The following YBEY variants were observed in gnomAD, a reference collection of about 807,000 sequenced individuals.
YBEY encodes endoribonuclease YbeY.
A neutral mutation model predicts 13.5 loss-of-function variants in YBEY; 15 were observed. That is an observed-to-expected ratio of 1.11 (90% CI 0.75 to 1.72). YBEY has a LOEUF of 1.72. Ranked by LOEUF, YBEY falls within the 40% of genes most tolerant of loss-of-function variation. The probability of loss-of-function intolerance (pLI) is 0.00; values close to 1 mark genes in which losing one functional copy is unlikely to be tolerated. For missense variants in YBEY, 244 were observed against 208.4 expected, an observed-to-expected ratio of 1.17 and a Z score of -1.05; for synonymous variants, 101 against 83.1, an observed-to-expected ratio of 1.21 and a Z score of -1.17.
At chr21:46,292,877 C>T (rs2081791052) in intron 3 of YBEY, among the ~76,000 whole-genome samples, 1 of 104,894 alleles carries the variant, frequency 9.5e-6, no homozygotes, top group Non-Finnish European at 2.1e-5. Context: ...GATTAAATTC[C>T]TCCCGCGGTT....
At chr21:46,296,285 C>T (rs2081949162) in intron 4 of YBEY, 55 bp downstream of exon 4, 2 of 1,603,568 alleles carry the variant, frequency 1.2e-6, no homozygotes, top group Admixed American at 1.7e-5. Context: ...AGGAGGCTCC[C>T]CCAGGCCCCT....
At chr21:46,298,268 C>T (rs556591152), downstream of YBEY, among the ~76,000 whole-genome samples, 1 of 152,244 alleles carries the variant, frequency 6.6e-6, no homozygotes, top group East Asian at 1.9e-4. Flanking sequence ...TGCGTCCTGT[C>T]TTAGCCTGGA....
At chr21:46,301,887 C>T (rs554157967), downstream of YBEY, 34 of 1,336,268 alleles carry the variant, frequency 2.5e-5, no homozygotes, top group Admixed American at 3.6e-5. Context: ...GTAGCCACTC[C>T]GGGTGGTGGC....
rs773890499 is a variant in YBEY at position 46,291,389 on chromosome 21, G to T, written c.266G>T (p.Gly89Val). Reference protein sequence around the residue: ...QPDFPDDYNLGDIFLGVEYIF... With the variant: ...QPDFPDDYNLVDIFLGVEYIF... Reference sequence around the variant, plus strand: ...GATTTTCCAGATGACTACAATTTGGGAGACATTTTCCTAGGAGTGGAGTAT... The same window carrying T: ...GATTTTCCAGATGACTACAATTTGGTAGACATTTTCCTAGGAGTGGAGTAT... The change falls in exon 3 of 5, where the codon GGA (glycine) becomes GTA (valine). Residue 89 changes from glycine to valine, a missense_variant. By Grantham distance (109) the Gly-to-Val change is moderately radical. Coordinates refer to ENST00000397701, the MANE Select transcript of YBEY (RefSeq NM_001314025.2). The T allele has an allele frequency of 6.2e-7, 1 of 1,614,062 alleles. No individual in the cohort carries two copies. Among genetic ancestry groups the T allele is most frequent in the South Asian group, 1.1e-5 (1 of 91,068 alleles).
chr21:46,289,012 A>G (rs560450152), intron 2 of YBEY, among the ~76,000 whole-genome samples: 1 of 152,274 alleles, frequency 6.6e-6, no homozygotes, highest in African/African-American at 2.4e-5. Flanking sequence ...CCACAGAGTA[A>G]CACCCTTTTT....
intron 2 of YBEY, among the ~76,000 whole-genome samples, chr21:46,288,419 T>C (rs7275639): frequency 0.11 from 17,466 of 152,202 alleles, 2,757 homozygotes; most frequent in African/African-American, 0.36. Flanking sequence ...GGCTCACGCC[T>C]GTAATCCCAG....
chr21:46,291,587 C>G lies in YBEY; in HGVS notation c.339+125C>G, dbSNP rs2081714385. On this transcript the variant is annotated intron_variant, in intron 3 of 4. Coordinates refer to ENST00000397701, the MANE Select transcript of YBEY (RefSeq NM_001314025.2). ...CCGTAAGGGCTACTGGGGGAAGAAC[C>G]TGTAAGCAGGGTGTGAGGAGCACCC... 3.3e-6 allele frequency: 5 copies of G among 1,504,312 alleles called. No individual in the cohort carries two copies. In the South Asian group the frequency reaches 5.5e-5, roughly 16 times the overall value. 93.2% of individuals were successfully genotyped at this position (1,504,312 alleles called of 1,614,324 possible).
At chr21:46,300,579 C>A (rs2082077766), downstream of YBEY, 2 of 1,079,104 alleles carry the variant, frequency 1.9e-6, no homozygotes, top group Non-Finnish European at 2.3e-6. Context: ...AAAGATGGTT[C>A]TGAGAGAAGT....
chr21:46,310,275 G>A, the YBEY span, among the ~76,000 whole-genome samples: 4 of 151,274 alleles, frequency 2.6e-5, no homozygotes, highest in African/African-American at 4.9e-5. Context: ...TCAGGAGTTC[G>A]AGACCAGCCT....
At chr21:46,300,738 G>A (rs1222152948), downstream of YBEY, 2 of 1,289,016 alleles carry the variant, frequency 1.6e-6, no homozygotes, top group Non-Finnish European at 2.0e-6. Context: ...TTCAAAGATG[G>A]AAGCACTGGG....
chr21:46,294,758 CAAAAAAAA>C (rs200581418), intron 3 of YBEY, among the ~76,000 whole-genome samples: 1 of 97,134 alleles, frequency 1.0e-5, no homozygotes, highest in Non-Finnish European at 2.3e-5. Flanking sequence ...AGCTTGATGC[CAAAAAAAA>C]AAAAAAAAAA....
chr21:46,289,495 G>GAGC (rs1555918324), intron 2 of YBEY, among the ~76,000 whole-genome samples: 1 of 147,674 alleles, frequency 6.8e-6, no homozygotes, highest in Non-Finnish European at 1.5e-5. Flanking sequence ...ACCCAGGCTG[G>GAGC]AGTGCAATGG....
chr21:46,309,048 G>A, the YBEY span, among the ~76,000 whole-genome samples: 1 of 152,222 alleles, frequency 6.6e-6, no homozygotes, highest in African/African-American at 2.4e-5. Context: ...GCCAGGCGCA[G>A]TGGCTCACGC....
the YBEY span, among the ~76,000 whole-genome samples, chr21:46,312,695 C>CTTTA: frequency 6.6e-6 from 1 of 152,158 alleles, no homozygotes; most frequent in Non-Finnish European, 1.5e-5. Context: ...ATTGTAGCCA[C>CTTTA]TTTAATAGAG....
chr21:46,311,674 A>G, the YBEY span: 17 of 500,268 alleles, frequency 3.4e-5, no homozygotes, highest in East Asian at 6.0e-4. Flanking sequence ...CAACCAACCA[A>G]CCATCCACCC....
At chr21:46,311,814 CCCACCCAT>C in the YBEY span, among the ~76,000 whole-genome samples, 3 of 144,448 alleles carry the variant, frequency 2.1e-5, no homozygotes, top group Admixed American at 2.1e-4. Flanking sequence ...CATTCATCCA[CCCACCCAT>C]CCACCCATCC....
downstream of YBEY, among the ~76,000 whole-genome samples, chr21:46,298,585 T>G (rs573962801): frequency 2.5e-4 from 37 of 149,958 alleles, no homozygotes; most frequent in African/African-American, 6.2e-4. Context: ...GCCCGCCACC[T>G]CGCCCGGCTA....
At chr21:46,299,338 T>C (rs550830954), downstream of YBEY, among the ~76,000 whole-genome samples, 2 of 152,242 alleles carry the variant, frequency 1.3e-5, no homozygotes, top group African/African-American at 4.8e-5. Context: ...GAGCCGCCCG[T>C]GGCCCAGGCA....
Position 46,287,055 on chromosome 21 carries a change from C to G in YBEY, c.142C>G (p.Gln48Glu). 1 of 1,613,574 alleles carries G rather than the reference C, an allele frequency of 6.2e-7. No homozygotes were observed. ...GIICVDNKNI[Q>E]HINRIYRDRN... ...CATCTGTGTTGACAACAAGAATATT[C>G]AGCACATTAATAGAATCTACAGAGA... The change falls in exon 2 of 5, where the codon CAG (glutamine) becomes GAG (glutamate). Residue 48 changes from glutamine to glutamate, a missense_variant. Transcript: ENST00000397701.
Sources: gnomAD v4.1 joint callset for allele counts (sites outside exome capture counted in the v4.1 genomes callset) on GRCh38, gnomAD v4.1.1 for gene constraint, MANE v1.5 for transcripts, NCBI Gene and HGNC (gene_info 2026-07-23, HGNC 2026-07-21) for gene names.